Variants in SGCG observed in about 807,000 individuals in gnomAD.
SGCG encodes sarcoglycan gamma, also known as gamma-sarcoglycan.
Under a neutral mutation model 29.3 loss-of-function variants are expected in SGCG, and 26 were observed. That is an observed-to-expected ratio of 0.89 (90% confidence interval 0.65 to 1.23). The LOEUF is 1.23. SGCG is among the 50% of genes most tolerant of loss of function. SGCG has a pLI of 0.00. For missense variants in SGCG, 353 were observed against 356.0 expected, an observed-to-expected ratio of 0.99 and a Z score of 0.07; for synonymous variants, 145 against 129.7, an observed-to-expected ratio of 1.12 and a Z score of -0.80.
At chr13:23,206,318 C>G (rs985307593) in intron 2 of SGCG, among the ~76,000 whole-genome samples, 7 of 152,120 alleles carry the variant, frequency 4.6e-5, no homozygotes, top group Non-Finnish European at 1.0e-4. Flanking sequence ...TTAATAGCAC[C>G]CATTCTCACT....
chr13:23,176,215 T>C (rs915974211), upstream of SGCG, among the ~76,000 whole-genome samples: 1 of 152,152 alleles, frequency 6.6e-6, no homozygotes, highest in African/African-American at 2.4e-5. Context: ...ATGGAATTAA[T>C]ATCATTTTAA....
chr13:23,239,645 T>C, intron 3 of SGCG, among the ~76,000 whole-genome samples: 1 of 152,162 alleles, frequency 6.6e-6, no homozygotes, highest in East Asian at 1.9e-4. Flanking sequence ...ATTTGGGATG[T>C]TATAACAGGA....
At chr13:23,255,926 C>G (rs1255168157) in intron 4 of SGCG, among the ~76,000 whole-genome samples, 1 of 152,150 alleles carries the variant, frequency 6.6e-6, no homozygotes, top group Non-Finnish European at 1.5e-5. Context: ...AAATGGGAAG[C>G]TCCCCACAGG....
At position 23,193,899 on chromosome 13, in the gene SGCG, A is replaced by C. The variant is rs1035015241; in HGVS notation, c.1-9796A>C. On this transcript the variant is annotated intron_variant, in intron 1 of 7. Coordinates refer to ENST00000218867, the MANE Select transcript of SGCG (RefSeq NM_000231.3). ...CACCATTTAGAGGCCAGAGAAAAAGAGAAGATTATGAAAGGGCCTGAGAAT... is the reference window on the plus strand; with the variant it reads ...CACCATTTAGAGGCCAGAGAAAAAGCGAAGATTATGAAAGGGCCTGAGAAT... Among the ~76,000 whole-genome samples, 33 of 152,314 alleles carry C rather than the reference A, an allele frequency of 2.2e-4. 1 individual carries two copies. The highest frequency in any genetic ancestry group is 3.4e-3 in the Middle Eastern group (1 of 294).
chr13:23,191,334 G>A (rs1268078174), intron 1 of SGCG, among the ~76,000 whole-genome samples: 2 of 152,170 alleles, frequency 1.3e-5, no homozygotes, highest in Non-Finnish European at 2.9e-5. Context: ...AGTTGAAGGA[G>A]GGAATGCCAG....
chr13:23,269,883 G>GTTTTTTTTT (rs140082158), intron 4 of SGCG, among the ~76,000 whole-genome samples: 8 of 117,002 alleles, frequency 6.8e-5, no homozygotes, highest in African/African-American at 2.3e-4. Context: ...TGTTTTTTTT[G>GTTTTTTTTT]TTTTTTTTTG....
chr13:23,288,346 T>A (rs12428881), intron 5 of SGCG, among the ~76,000 whole-genome samples: 65,842 of 151,954 alleles, frequency 0.43, 15,115 homozygotes, highest in Middle Eastern at 0.65. Context: ...AAGGGGAAGA[T>A]AAGGTGGCTC....
intron 5 of SGCG, among the ~76,000 whole-genome samples, chr13:23,281,819 C>T (rs1271667416): frequency 2.6e-5 from 4 of 152,304 alleles, no homozygotes; most frequent in Middle Eastern, 3.4e-3. Context: ...CAGTAACGCT[C>T]GCTGGCCCAC....
the SGCG span, among the ~76,000 whole-genome samples, chr13:23,172,549 G>A: frequency 2.0e-5 from 3 of 152,134 alleles, no homozygotes; most frequent in Admixed American, 6.5e-5. Flanking sequence ...CTTAGTTCAC[G>A]TCTAAATTGT....
At chr13:23,300,940 C>T (rs1882135758) in intron 6 of SGCG, among the ~76,000 whole-genome samples, 1 of 151,972 alleles carries the variant, frequency 6.6e-6, no homozygotes. Flanking sequence ...ACGGTGAAAC[C>T]CCATCTCTAC....
Position 23,208,737 on chromosome 13 carries a change from C to T in SGCG, c.195+4848C>T, listed in dbSNP as rs138332578. Among the ~76,000 whole-genome samples the T allele has an allele frequency of 1.6e-4, 24 of 152,092 alleles. No homozygotes were observed. The East Asian group carries it at 1.9e-3, about 12-fold the overall frequency. ...TGAGTATAAAGATTCTAAAATATTC[C>T]GTTAGCCATCATAATAGTTAAATCA... On this transcript the variant is annotated intron_variant, in intron 2 of 7. Transcript: ENST00000218867.
chr13:23,305,737 T>C (rs1441063113), intron 6 of SGCG, among the ~76,000 whole-genome samples: 4 of 152,214 alleles, frequency 2.6e-5, no homozygotes, highest in African/African-American at 9.7e-5. Context: ...CTTTAGTAAT[T>C]ACAGAGATAG....
chr13:23,177,675 G>A (rs1009138780), upstream of SGCG, among the ~76,000 whole-genome samples: 4 of 148,178 alleles, frequency 2.7e-5, no homozygotes, highest in Non-Finnish European at 4.4e-5. Flanking sequence ...AGGTTCAAGC[G>A]ATTGTCCTGC....
intron 1 of SGCG, among the ~76,000 whole-genome samples, chr13:23,201,666 G>A (rs1877773057): frequency 6.6e-6 from 1 of 152,192 alleles, no homozygotes; most frequent in East Asian, 1.9e-4. Flanking sequence ...AGATAAAATT[G>A]TGTTAAGCCA....
At chr13:23,198,600 A>G (rs1220744361) in intron 1 of SGCG, among the ~76,000 whole-genome samples, 1 of 152,066 alleles carries the variant, frequency 6.6e-6, no homozygotes, top group Non-Finnish European at 1.5e-5. Context: ...TAATCCCAGC[A>G]CTTTGGGAGG....
chr13:23,225,805 ACACC>A (rs1211668451), intron 2 of SGCG, among the ~76,000 whole-genome samples: 8 of 149,842 alleles, frequency 5.3e-5, no homozygotes, highest in East Asian at 2.0e-4. Flanking sequence ...ACACACACAC[ACACC>A]CCTACATACA....
At chr13:23,192,902 G>A (rs1455019965) in intron 1 of SGCG, among the ~76,000 whole-genome samples, 2 of 152,092 alleles carry the variant, frequency 1.3e-5, no homozygotes, top group African/African-American at 2.4e-5. Context: ...CCTACTTTAG[G>A]TGCCAGTTAT....
At chr13:23,192,557 C>T (rs1214852522) in intron 1 of SGCG, among the ~76,000 whole-genome samples, 1 of 151,916 alleles carries the variant, frequency 6.6e-6, no homozygotes, top group African/African-American at 2.4e-5. Flanking sequence ...CCACGCCCAG[C>T]TAATTTTTTT....
chr13:23,281,316 G>C (rs1023667260), intron 5 of SGCG, among the ~76,000 whole-genome samples: 3 of 151,362 alleles, frequency 2.0e-5, no homozygotes, highest in African/African-American at 7.3e-5. Flanking sequence ...CTCCAGCCTG[G>C]GCAACAGAGT....
Sources: gnomAD v4.1 joint callset for allele counts (sites outside exome capture counted in the v4.1 genomes callset) on GRCh38, gnomAD v4.1.1 for gene constraint, MANE v1.5 for transcripts, NCBI Gene and HGNC (gene_info 2026-07-23, HGNC 2026-07-21) for gene names.